Variants in CAMTA1 observed in about 807,000 individuals in gnomAD.
CAMTA1 encodes calmodulin-binding transcription activator 1.
CAMTA1 carries 27 observed loss-of-function variants against 170.9 expected under a neutral mutation model. The observed-to-expected ratio is 0.16, with a 90% CI of 0.12 to 0.22. The LOEUF is 0.22. Ranked by LOEUF, CAMTA1 falls within the 10% of genes least tolerant of loss-of-function variation. The pLI, the probability that CAMTA1 is intolerant of heterozygous loss-of-function variation, is 1.00. For synonymous variants in CAMTA1, 833 were observed against 891.5 expected (o/e 0.93, Z 1.17); for missense variants, 1,619 against 2,217.2 (o/e 0.73, Z 5.42).
chr1:7,734,588 G>A (rs1046683580), intron 12 of CAMTA1, among the ~76,000 whole-genome samples: 6 of 151,966 alleles, frequency 3.9e-5, no homozygotes, highest in African/African-American at 1.5e-4. Context: ...ATTTCCATGT[G>A]CTCATGAATG....
intron 22 of CAMTA1, among the ~76,000 whole-genome samples, chr1:7,760,216 G>A (rs1233881630): frequency 1.3e-5 from 2 of 152,176 alleles, no homozygotes; most frequent in East Asian, 3.8e-4. Context: ...TTTTATTTGA[G>A]AACCGGGTTT....
At chr1:7,398,133 G>A (rs1269432874) in intron 5 of CAMTA1, among the ~76,000 whole-genome samples, 1 of 121,326 alleles carries the variant, frequency 8.2e-6, no homozygotes, top group African/African-American at 3.1e-5. Context: ...TCTTCCTTCA[G>A]AAGTTAGATA....
At chr1:6,989,726 AC>A (rs779850007) in intron 3 of CAMTA1, among the ~76,000 whole-genome samples, 8 of 152,162 alleles carry the variant, frequency 5.3e-5, no homozygotes, top group Non-Finnish European at 1.0e-4. Flanking sequence ...GAAGAGTTTA[AC>A]TTTGAAAGGA....
At chr1:7,111,702 G>A (rs1002674518) in intron 4 of CAMTA1, among the ~76,000 whole-genome samples, 3 of 152,104 alleles carry the variant, frequency 2.0e-5, no homozygotes, top group Middle Eastern at 3.4e-3. Context: ...TGGCTAACAC[G>A]GTGAAACCAC....
At chr1:6,958,636 G>A (rs1689875536) in intron 3 of CAMTA1, among the ~76,000 whole-genome samples, 1 of 152,206 alleles carries the variant, frequency 6.6e-6, no homozygotes, top group African/African-American at 2.4e-5. Flanking sequence ...GACGCAATAA[G>A]CCTGCAATAA....
At chr1:6,929,188 GTTTCA>G (rs1421546762) in intron 3 of CAMTA1, among the ~76,000 whole-genome samples, 1 of 151,944 alleles carries the variant, frequency 6.6e-6, no homozygotes, top group Admixed American at 6.6e-5. Flanking sequence ...GTTTCGTTTC[GTTTCA>G]TTTCAAGACA....
intron 4 of CAMTA1, among the ~76,000 whole-genome samples, chr1:7,123,060 G>A (rs562226436): frequency 1.2e-4 from 18 of 152,266 alleles, no homozygotes; most frequent in African/African-American, 3.9e-4. Flanking sequence ...GTGGGGCTCC[G>A]GGCCATCTTG....
chr1:6,996,367 A>G (rs1028832139), intron 3 of CAMTA1, among the ~76,000 whole-genome samples: 1 of 152,188 alleles, frequency 6.6e-6, no homozygotes, highest in Admixed American at 6.5e-5. Context: ...GCTGAGTTCA[A>G]ACTATAAACT....
At chr1:7,710,705 C>T (rs933991206) in intron 11 of CAMTA1, among the ~76,000 whole-genome samples, 3 of 151,724 alleles carry the variant, frequency 2.0e-5, no homozygotes, top group Admixed American at 2.0e-4. Context: ...TGTCATTAGG[C>T]CTCCCCCATT....
intron 6 of CAMTA1, among the ~76,000 whole-genome samples, chr1:7,498,699 A>G (rs111203655): frequency 1.3e-5 from 2 of 151,286 alleles, no homozygotes; most frequent in African/African-American, 4.9e-5. Context: ...ATGTGTGTAT[A>G]TGTGTGTGCA....
At chr1:7,617,366 G>C (rs950000482) in intron 6 of CAMTA1, among the ~76,000 whole-genome samples, 28 of 152,174 alleles carry the variant, frequency 1.8e-4, no homozygotes, top group African/African-American at 6.3e-4. Flanking sequence ...AGGACTTCAG[G>C]GTTCATCCAC....
intron 5 of CAMTA1, among the ~76,000 whole-genome samples, chr1:7,337,801 A>G (rs1252227802): frequency 2.6e-5 from 4 of 152,198 alleles, no homozygotes; most frequent in African/African-American, 9.7e-5. Flanking sequence ...GCAACCTAGA[A>G]GCGCTGCCTG....
chr1:7,208,381 C>T (rs1483437981), intron 4 of CAMTA1, among the ~76,000 whole-genome samples: 1 of 152,218 alleles, frequency 6.6e-6, no homozygotes, highest in African/African-American at 2.4e-5. Context: ...CACAAAGAGC[C>T]TCTTTCTCCC....
chr1:7,340,478 G>A (rs1456753994), intron 5 of CAMTA1, among the ~76,000 whole-genome samples: 1 of 151,892 alleles, frequency 6.6e-6, no homozygotes. Context: ...CTAGGGGAGG[G>A]CCCAGGAAGT....
In CAMTA1 at chr1:7,045,343, G is replaced by A. The variant is rs546214016; in HGVS notation, c.235-45961G>A. Among the ~76,000 whole-genome samples the A allele has an allele frequency of 5.3e-5, 8 of 152,234 alleles. No individual in the cohort carries two copies. In the South Asian group the frequency reaches 6.2e-4, roughly 12 times the overall value. On this transcript the variant is annotated intron_variant, in intron 3 of 22. Coordinates refer to ENST00000303635, the MANE Select transcript of CAMTA1 (RefSeq NM_015215.4). ...TTGCTGTTGCTAGCCACACCTGCCCGTCTGGCCCCCTCCTGCTGTAGTTGG... is the reference window on the plus strand; with the variant it reads ...TTGCTGTTGCTAGCCACACCTGCCCATCTGGCCCCCTCCTGCTGTAGTTGG...
chr1:7,428,925 G>T (rs1220124266), intron 5 of CAMTA1, among the ~76,000 whole-genome samples: 1 of 152,326 alleles, frequency 6.6e-6, no homozygotes, highest in Middle Eastern at 3.4e-3. Context: ...CTGGTCTGCT[G>T]GCAGCGATGG....
intron 5 of CAMTA1, among the ~76,000 whole-genome samples, chr1:7,465,745 A>T (rs1300143486): frequency 1.3e-5 from 2 of 152,190 alleles, no homozygotes; most frequent in Non-Finnish European, 2.9e-5. Flanking sequence ...AGGTTCACAG[A>T]GGAAACACAG....
At chr1:7,615,306 C>T (rs2095551601) in intron 6 of CAMTA1, among the ~76,000 whole-genome samples, 1 of 152,200 alleles carries the variant, frequency 6.6e-6, no homozygotes, top group Admixed American at 6.5e-5. Context: ...AGGCCTCATA[C>T]CCCACCAGTC....
At chr1:7,493,967 G>A (rs565242566) in intron 6 of CAMTA1, among the ~76,000 whole-genome samples, 134 of 152,244 alleles carry the variant, frequency 8.8e-4, no homozygotes, top group Non-Finnish European at 9.3e-4. Context: ...GCCACCCGCC[G>A]GCCTCTCCTG....
Sources: gnomAD v4.1 joint callset for allele counts (sites outside exome capture counted in the v4.1 genomes callset) on GRCh38, gnomAD v4.1.1 for gene constraint, MANE v1.5 for transcripts, NCBI Gene and HGNC (gene_info 2026-07-23, HGNC 2026-07-21) for gene names.